SMURF1: variants seen among roughly 807,000 people sequenced by gnomAD.
SMURF1 encodes the protein E3 ubiquitin-protein ligase SMURF1.
In SMURF1, 44 loss-of-function variants were observed where a neutral mutation model predicts 98.0. That is an observed-to-expected ratio of 0.45 (90% CI 0.35 to 0.58). The LOEUF is 0.58. SMURF1 is among the 20% of genes least tolerant of loss of function. SMURF1 has a pLI of 0.00. For missense variants in SMURF1, 687 were observed against 938.4 expected, an observed-to-expected ratio of 0.73 and a Z score of 3.50; for synonymous variants, 396 against 374.9, an observed-to-expected ratio of 1.06 and a Z score of -0.65.
At chr7:99,081,844 G>A (rs1278060990) in intron 1 of SMURF1, among the ~76,000 whole-genome samples, 1 of 152,210 alleles carries the variant, frequency 6.6e-6, no homozygotes, top group Non-Finnish European at 1.5e-5. Context: ...GTAGAGATGG[G>A]GTTTTGCCGT....
At chr7:99,131,811 G>T (rs1186097807) in intron 1 of SMURF1, among the ~76,000 whole-genome samples, 1 of 152,198 alleles carries the variant, frequency 6.6e-6, no homozygotes, top group Non-Finnish European at 1.5e-5. Context: ...AAGAAAGGGA[G>T]GGAAGACTTA....
chr7:99,140,281 CT>C (rs11421940), intron 1 of SMURF1, among the ~76,000 whole-genome samples: 6,111 of 85,542 alleles, frequency 0.071, 72 homozygotes, highest in African/African-American at 0.16. Context: ...CTTCAGTATC[CT>C]TTTTTTTTTT....
intron 1 of SMURF1, among the ~76,000 whole-genome samples, chr7:99,106,657 G>A (rs1797200645): frequency 6.6e-6 from 1 of 152,208 alleles, no homozygotes; most frequent in African/African-American, 2.4e-5. Context: ...GTGTATGCCT[G>A]TAATCCCAAC....
intron 1 of SMURF1, among the ~76,000 whole-genome samples, chr7:99,119,498 T>G (rs1176362595): frequency 6.6e-6 from 1 of 152,188 alleles, no homozygotes; most frequent in Non-Finnish European, 1.5e-5. Flanking sequence ...CTAGAAGTGT[T>G]TATCTAACAG....
At chr7:99,079,949 C>A (rs1415250607) in intron 1 of SMURF1, among the ~76,000 whole-genome samples, 1 of 147,578 alleles carries the variant, frequency 6.8e-6, no homozygotes, top group Admixed American at 6.8e-5. Context: ...AAAGGGGAAA[C>A]AACTGTCAGT....
chr7:99,099,510 A>G (rs1797027472), intron 1 of SMURF1, among the ~76,000 whole-genome samples: 1 of 152,102 alleles, frequency 6.6e-6, no homozygotes, highest in South Asian at 2.1e-4. Flanking sequence ...AGGGGGGGAA[A>G]TGCCATTATC....
chr7:99,111,020 A>T (rs1359528319), intron 1 of SMURF1, among the ~76,000 whole-genome samples: 1 of 152,228 alleles, frequency 6.6e-6, no homozygotes, highest in Non-Finnish European at 1.5e-5. Flanking sequence ...CCATGGAAGG[A>T]TCAATAAGAA....
chr7:99,083,051 C>T (rs917375583), intron 1 of SMURF1, among the ~76,000 whole-genome samples: 1 of 151,668 alleles, frequency 6.6e-6, no homozygotes, highest in African/African-American at 2.4e-5. Flanking sequence ...GATGGTGGGG[C>T]GGGGACAGGA....
At chr7:99,067,204 G>T (rs918957473) in intron 1 of SMURF1, among the ~76,000 whole-genome samples, 2 of 151,474 alleles carry the variant, frequency 1.3e-5, no homozygotes, top group Admixed American at 6.6e-5. Context: ...CACCATATTG[G>T]TCAGGCTGGT....
intron 10 of SMURF1, among the ~76,000 whole-genome samples, chr7:99,046,731 CAA>C (rs56788889): frequency 0.11 from 7,868 of 74,218 alleles, 146 homozygotes; most frequent in East Asian, 0.24. Flanking sequence ...GACTCCGTCT[CAA>C]AAAAAAAAAA....
At chr7:99,067,847 G>A (rs1796232411) in intron 1 of SMURF1, among the ~76,000 whole-genome samples, 3 of 151,940 alleles carry the variant, frequency 2.0e-5, no homozygotes, top group South Asian at 4.1e-4. Context: ...CTAGCTAGTC[G>A]GCAGACTGAG....
chr7:99,089,426 C>T (rs913519334), intron 1 of SMURF1, among the ~76,000 whole-genome samples: 12 of 151,790 alleles, frequency 7.9e-5, no homozygotes, highest in Non-Finnish European at 1.5e-4. Flanking sequence ...ATCGCTTGGG[C>T]CCAGGAGTTC....
At chr7:99,044,447 C>T (rs558424665) in intron 11 of SMURF1, among the ~76,000 whole-genome samples, 7 of 152,182 alleles carry the variant, frequency 4.6e-5, no homozygotes, top group Non-Finnish European at 1.0e-4. Flanking sequence ...ACTTTCATCC[C>T]TTTACAAATA....
chr7:99,044,478 G>T (rs1187206764), intron 11 of SMURF1, among the ~76,000 whole-genome samples: 1 of 152,188 alleles, frequency 6.6e-6, no homozygotes, highest in African/African-American at 2.4e-5. Context: ...AAGCATAGGA[G>T]ACTGACCAAA....
intron 1 of SMURF1, among the ~76,000 whole-genome samples, chr7:99,122,745 CTTTTTTTTT>C (rs373204946): frequency 8.9e-6 from 1 of 112,432 alleles, no homozygotes; most frequent in African/African-American, 3.5e-5. Context: ...TTCTTTCTTT[CTTTTTTTTT>C]TTTTTTTTTT....
chr7:99,111,228 C>T (rs187647728), intron 1 of SMURF1, among the ~76,000 whole-genome samples: 2 of 152,120 alleles, frequency 1.3e-5, no homozygotes, highest in South Asian at 2.1e-4. Flanking sequence ...AAACCAAATA[C>T]GAATGACACC....
rs1318918474 is a variant in SMURF1, at chr7:99,058,611, G to A, written c.204-1060C>T. On this transcript the variant is annotated intron_variant, in intron 3 of 17. Transcript: ENST00000361368. ...CCATTTACTGTCACTGCAAGTCAAC[G>A]GAGAGAGGAACTCAACCCACTTACA... Among the ~76,000 whole-genome samples, 5 of 152,112 alleles carry A rather than the reference G, an allele frequency of 3.3e-5. No homozygotes were observed. In the East Asian group the frequency reaches 5.8e-4, roughly 18 times the overall value.
chr7:99,065,096 G>GT lies in SMURF1; in HGVS notation c.56-3260dup, dbSNP rs796330639. 9.0e-3 allele frequency among the ~76,000 whole-genome samples: 1,304 copies of GT among 145,596 alleles called. 8 individuals are homozygous for GT. Among genetic ancestry groups the GT allele is most frequent in the Middle Eastern group, 0.032 (9 of 280 alleles). ...TTTTTGATGCCTTTAAGTGAGTTGGGTTTTTTTTTTTTCTTTTTTGAGACA... is the reference window on the plus strand; with the variant it reads ...TTTTTGATGCCTTTAAGTGAGTTGGGTTTTTTTTTTTTTCTTTTTTGAGACA... On this transcript the variant is annotated intron_variant, in intron 1 of 17. Transcript: ENST00000361368.
chr7:99,040,718 G>C (rs1469456992), intron 12 of SMURF1, among the ~76,000 whole-genome samples, 162 bp from the exon 13 acceptor site: 1 of 152,226 alleles, frequency 6.6e-6, no homozygotes, highest in East Asian at 1.9e-4. Flanking sequence ...AAAGAAGGCT[G>C]CTTGTGTAGC....
Sources: allele counts gnomAD v4.1 joint callset (sites outside exome capture counted in the v4.1 genomes callset), GRCh38; gene constraint gnomAD v4.1.1; transcripts MANE v1.5; gene names NCBI Gene and HGNC (gene_info 2026-07-23, HGNC 2026-07-21).